DPP6: variants seen among roughly 807,000 people sequenced by gnomAD.
DPP6 encodes dipeptidyl peptidase like 6.
Under a neutral mutation model 122.6 loss-of-function variants are expected in DPP6, and 69 were observed. The observed-to-expected ratio is 0.56, with a 90% CI of 0.46 to 0.69. The LOEUF (loss-of-function observed/expected upper bound fraction) is 0.69, where lower values mean the gene tolerates loss of function less well. Ranked by LOEUF, DPP6 falls within the 30% of genes least tolerant of loss-of-function variation. The pLI is 0.00. For missense variants in DPP6, 928 were observed against 1,116.9 expected (o/e 0.83, Z 2.41); for synonymous variants, 418 against 433.1 (o/e 0.97, Z 0.43).
intron 1 of DPP6, among the ~76,000 whole-genome samples, chr7:154,284,594 C>T (rs1470455301): frequency 6.6e-6 from 1 of 152,256 alleles, no homozygotes; most frequent in Non-Finnish European, 1.5e-5. Flanking sequence ...TTGGCTTACG[C>T]CCGTAATCCC....
At chr7:153,881,382 A>C in the DPP6 span, among the ~76,000 whole-genome samples, 1 of 152,232 alleles carries the variant, frequency 6.6e-6, no homozygotes, top group Non-Finnish European at 1.5e-5. Context: ...TCTTGGTTGC[A>C]AAGGGTCAGT....
At chr7:154,120,219 T>A (rs1807343597) in intron 1 of DPP6, among the ~76,000 whole-genome samples, 1 of 152,052 alleles carries the variant, frequency 6.6e-6, no homozygotes, top group Non-Finnish European at 1.5e-5. Flanking sequence ...TCTATATTCG[T>A]CATTCTTCCT....
At chr7:154,496,629 A>C (rs944974396) in intron 3 of DPP6, among the ~76,000 whole-genome samples, 1 of 152,208 alleles carries the variant, frequency 6.6e-6, no homozygotes, top group Non-Finnish European at 1.5e-5. Flanking sequence ...GGTTTTGTGA[A>C]GGGGCCTCTT....
At chr7:154,842,119 G>T (rs1584867277) in intron 16 of DPP6, among the ~76,000 whole-genome samples, 1 of 152,222 alleles carries the variant, frequency 6.6e-6, no homozygotes, top group African/African-American at 2.4e-5. Flanking sequence ...CAAATAAAGA[G>T]ATCTGGAGCC....
intron 1 of DPP6, among the ~76,000 whole-genome samples, chr7:154,203,658 G>C (rs534321210): frequency 6.6e-6 from 1 of 152,220 alleles, no homozygotes; most frequent in Non-Finnish European, 1.5e-5. Flanking sequence ...GAGAGCAGGA[G>C]AGAATTGGAG....
chr7:153,928,352 C>T (rs1801002924), intron 1 of DPP6, among the ~76,000 whole-genome samples: 1 of 145,028 alleles, frequency 6.9e-6, no homozygotes. Context: ...GCTGGGATTA[C>T]AGGCGTGCAC....
In DPP6 at chr7:154,883,060, T is replaced by TGC. The variant is rs1491161113; in HGVS notation, c.2133+2118_2133+2119insGC. Among the ~76,000 whole-genome samples, 18 of 67,214 alleles carry TGC rather than the reference T, an allele frequency of 2.7e-4. No homozygotes were observed. The East Asian group carries it at 4.2e-3, about 16-fold the overall frequency. 44.1% of individuals were successfully genotyped at this position (67,214 alleles called of 152,430 possible). A position where few individuals can be genotyped will look rare whatever the true frequency, so the allele number is the denominator to read the frequency against. On this transcript the variant is annotated intron_variant, in intron 21 of 25. Coordinates refer to ENST00000377770, the MANE Select transcript of DPP6 (RefSeq NM_130797.4). ...ATGCTCACACACACATGCTCACACA[T>TGC]TCACACACATGCTCACCCATACACC...
intron 1 of DPP6, among the ~76,000 whole-genome samples, chr7:154,311,085 G>A (rs1032383030): frequency 1.3e-5 from 2 of 152,160 alleles, no homozygotes; most frequent in African/African-American, 4.8e-5. Flanking sequence ...GATCGGACAG[G>A]TAGGGGGTGT....
At chr7:153,847,595 A>T in the DPP6 span, among the ~76,000 whole-genome samples, 2,835 of 152,246 alleles carry the variant, frequency 0.019, 110 homozygotes, top group African/African-American at 0.065. Context: ...CCCTGAATTT[A>T]TGGAGATTTG....
intron 8 of DPP6, among the ~76,000 whole-genome samples, chr7:154,766,746 G>C (rs1795924445): frequency 6.6e-6 from 1 of 152,214 alleles, no homozygotes; most frequent in Non-Finnish European, 1.5e-5. Flanking sequence ...CCAGCCTTGT[G>C]GCCAGCCTTC....
intron 1 of DPP6, among the ~76,000 whole-genome samples, chr7:154,063,733 C>T (rs543269778): frequency 5.9e-5 from 9 of 151,368 alleles, no homozygotes; most frequent in South Asian, 2.1e-4. Context: ...CCTCTTCCCC[C>T]CCGGCTTAGG....
rs564346705 is a variant in DPP6, at chr7:154,484,715, A to G, written c.457+9678A>G. Among the ~76,000 whole-genome samples, 104 of 152,278 alleles carry G rather than the reference A, an allele frequency of 6.8e-4. 1 individual carries two copies. The highest frequency in any genetic ancestry group is 1.2e-3 in the Non-Finnish European group (83 of 68,028). Reference sequence around the variant, plus strand: ...CCACTGTCTGTGTTTGTTTACGCTCATTTTCATTAATCCAGCCACTTGTTA... The same window carrying G: ...CCACTGTCTGTGTTTGTTTACGCTCGTTTTCATTAATCCAGCCACTTGTTA... On this transcript the variant is annotated intron_variant, in intron 3 of 25. Transcript: ENST00000377770.
At chr7:154,450,514 T>C (rs1004289287) in intron 2 of DPP6, among the ~76,000 whole-genome samples, 1 of 151,830 alleles carries the variant, frequency 6.6e-6, no homozygotes, top group Non-Finnish European at 1.5e-5. Flanking sequence ...GTGCCAGACA[T>C]ACTAAATTGC....
chr7:154,712,290 G>A (rs879300466), intron 7 of DPP6, among the ~76,000 whole-genome samples: 2 of 152,134 alleles, frequency 1.3e-5, no homozygotes, highest in Admixed American at 6.5e-5. Context: ...GATTATCTTA[G>A]TCAATAATAA....
intron 1 of DPP6, among the ~76,000 whole-genome samples, chr7:154,438,238 A>T (rs546545567): frequency 3.9e-5 from 6 of 152,018 alleles, no homozygotes; most frequent in African/African-American, 9.7e-5. Context: ...GAGGCCAAGG[A>T]GGGTGGATCA....
At chr7:154,770,820 G>A (rs1796206985) in intron 9 of DPP6, among the ~76,000 whole-genome samples, 1 of 152,216 alleles carries the variant, frequency 6.6e-6, no homozygotes, top group African/African-American at 2.4e-5. Context: ...TGAGTGGAGG[G>A]CCTGATACTA....
At chr7:154,702,387 A>G (rs1014327293) in intron 7 of DPP6, among the ~76,000 whole-genome samples, 3 of 152,276 alleles carry the variant, frequency 2.0e-5, no homozygotes, top group Non-Finnish European at 2.9e-5. Flanking sequence ...AAGCACCACG[A>G]TAGGCTGAAA....
the DPP6 span, among the ~76,000 whole-genome samples, chr7:153,764,736 G>C: frequency 6.6e-6 from 1 of 150,864 alleles, no homozygotes; most frequent in Non-Finnish European, 1.5e-5. Context: ...GCTCTATTGG[G>C]TGGAGTTCCT....
rs78039416 is a variant in DPP6 at position 154,475,319 on chromosome 7, G to A, written c.457+282G>A. ...CGTGTCCTTTGTGTGCCACCTCCCA[G>A]AGACATCATTTCTCCGGGGGAGCTG... On this transcript the variant is annotated intron_variant, in intron 3 of 25. Coordinates refer to ENST00000377770, the MANE Select transcript of DPP6 (RefSeq NM_130797.4). The A allele has an allele frequency of 6.9e-3, 2,769 of 401,772 alleles. 38 individuals carry two copies. The highest frequency in any genetic ancestry group is 0.03 in the East Asian group (513 of 17,246). 24.9% of individuals were successfully genotyped at this position (401,772 alleles called of 1,614,324 possible). A position where few individuals can be genotyped will look rare whatever the true frequency, so the allele number is the denominator to read the frequency against.
Sources: gnomAD v4.1 joint callset for allele counts (sites outside exome capture counted in the v4.1 genomes callset) on GRCh38, gnomAD v4.1.1 for gene constraint, MANE v1.5 for transcripts, NCBI Gene and HGNC (gene_info 2026-07-23, HGNC 2026-07-21) for gene names.